The following PHIP variants were observed in gnomAD, a reference collection of about 807,000 sequenced individuals.
The protein encoded by PHIP is PH-interacting protein.
In PHIP, 54 loss-of-function variants were observed where a neutral mutation model predicts 236.8. That is an observed-to-expected ratio of 0.23 (90% confidence interval 0.18 to 0.29). PHIP has a LOEUF of 0.29. Among genes scored for constraint, PHIP ranks in the 10% least tolerant of loss-of-function variants. The pLI is 1.00. For missense variants in PHIP, 1,370 were observed against 2,190.8 expected (o/e 0.63, Z 7.48); for synonymous variants, 756 against 718.9 (o/e 1.05, Z -0.83).
At chr6:78,998,217 T>A in intron 18 of PHIP, 37 bp downstream of exon 18, 3 of 1,566,830 alleles carry the variant, frequency 1.9e-6, no homozygotes, top group South Asian at 2.2e-5. Flanking sequence ...TGTTTCAAAT[T>A]TTTAAATATT....
At chr6:79,010,505 C>A (rs942310801) in intron 15 of PHIP, among the ~76,000 whole-genome samples, 2 of 151,330 alleles carry the variant, frequency 1.3e-5, no homozygotes, top group South Asian at 4.1e-4. Context: ...CATGAAACAA[C>A]AAAGTAAAGC....
In PHIP at chr6:78,935,712, C is replaced by G. The variant is rs1312893445; in HGVS notation, c.*4981G>C. The G allele has an allele frequency of 3.0e-6, 3 of 984,982 alleles. No homozygotes were observed. Among genetic ancestry groups the G allele is most frequent in the African/African-American group, 1.7e-5 (1 of 57,210 alleles). 61.0% of individuals were successfully genotyped at this position (984,982 alleles called of 1,614,324 possible). On this transcript the variant is annotated 3_prime_UTR_variant, in exon 40 of 40. Transcript: ENST00000275034. ...CAGTTTTCACACTTTGCAAAACACACAGGGCACTGGAAACTCTAATGAACC... is the reference window on the plus strand; with the variant it reads ...CAGTTTTCACACTTTGCAAAACACAGAGGGCACTGGAAACTCTAATGAACC...
intron 15 of PHIP, among the ~76,000 whole-genome samples, chr6:79,010,152 TCTC>T (rs1051034149): frequency 4.0e-5 from 6 of 151,538 alleles, no homozygotes; most frequent in African/African-American, 1.2e-4. Context: ...GAGAGACTCT[TCTC>T]CTGATTAATA....
chr6:79,063,325 C>G (rs1184937124), intron 4 of PHIP, among the ~76,000 whole-genome samples: 1 of 152,144 alleles, frequency 6.6e-6, no homozygotes, highest in African/African-American at 2.4e-5. Flanking sequence ...TCAAAAAACC[C>G]AAAACATTTT....
intron 4 of PHIP, among the ~76,000 whole-genome samples, chr6:79,070,797 A>G (rs2127779908): frequency 6.6e-6 from 1 of 152,324 alleles, no homozygotes; most frequent in South Asian, 2.1e-4. Flanking sequence ...ATTACTTATA[A>G]TATCTAATAC....
chr6:79,022,783 G>C (rs2127746006), intron 9 of PHIP, among the ~76,000 whole-genome samples: 1 of 152,286 alleles, frequency 6.6e-6, no homozygotes, highest in South Asian at 2.1e-4. Flanking sequence ...CTTTGCTCGT[G>C]AGTTGGTAAT....
chr6:78,948,988 C>T lies in PHIP; in HGVS notation c.4054-1213G>A, dbSNP rs924352520. 2.6e-5 allele frequency among the ~76,000 whole-genome samples: 4 copies of T among 152,034 alleles called. No individual in the cohort carries two copies. In the East Asian group the frequency reaches 7.7e-4, roughly 29 times the overall value. ...TTATGCCTTTTATTTCCTTTTCTTG[C>T]CTTATTGCATTGGCTAGAATTTCCA... On this transcript the variant is annotated intron_variant, in intron 35 of 39. Coordinates refer to ENST00000275034, the MANE Select transcript of PHIP (RefSeq NM_017934.7).
intron 18 of PHIP, 76 bp from the exon 19 acceptor site, chr6:78,997,673 A>G (rs567227687): frequency 1.4e-5 from 16 of 1,138,630 alleles, no homozygotes; most frequent in African/African-American, 1.3e-4. Flanking sequence ...AAAAGAGATA[A>G]AACACTATCT....
chr6:79,049,448 A>G (rs1165150314), intron 6 of PHIP, among the ~76,000 whole-genome samples: 1 of 152,220 alleles, frequency 6.6e-6, no homozygotes, highest in Non-Finnish European at 1.5e-5. Context: ...TGCAAAAGTA[A>G]TTATAATTTA....
At chr6:79,053,000 T>G (rs1215960171) in intron 6 of PHIP, among the ~76,000 whole-genome samples, 2 of 152,164 alleles carry the variant, frequency 1.3e-5, no homozygotes, top group Non-Finnish European at 2.9e-5. Context: ...TTACTGCTTT[T>G]CTAAGCTTCA....
intron 6 of PHIP, among the ~76,000 whole-genome samples, chr6:79,054,006 C>CT (rs921550520): frequency 1.1e-4 from 16 of 151,240 alleles, no homozygotes; most frequent in African/African-American, 1.7e-4. Flanking sequence ...GTTTTGCCCC[C>CT]TTTTTTTTGT....
At position 78,947,679 on chromosome 6, in the gene PHIP, C is replaced by G; in HGVS notation, c.4150G>C (p.Asp1384His). 1 of 1,533,988 alleles carries G rather than the reference C, an allele frequency of 6.5e-7. No individual in the cohort carries two copies. The highest frequency in any genetic ancestry group is 1.1e-5 in the South Asian group (1 of 88,906). The change falls in exon 36 of 40, where the codon GAT becomes CAT. Residue 1384 changes from aspartate (D) to histidine (H), a missense_variant. Physicochemically the swap from Asp to His is moderately conservative, Grantham distance 81. Coordinates refer to ENST00000275034, the MANE Select transcript of PHIP (RefSeq NM_017934.7). The part of the protein sequence containing the change: ...NYESPMELCK[D>H]VRLIFSNSKA... The stretch of plus-strand genomic sequence containing the variant: ...GAATTACTGAAAATAAGTCTGACAT[C>G]TTTACATAACTCCATTGGTGACTCA...
At chr6:78,948,225 C>T (rs1248898831) in intron 35 of PHIP, among the ~76,000 whole-genome samples, 1 of 152,106 alleles carries the variant, frequency 6.6e-6, no homozygotes, top group African/African-American at 2.4e-5. Context: ...TATGCAGACA[C>T]CTAAGTTCTA....
intron 22 of PHIP, among the ~76,000 whole-genome samples, chr6:78,983,801 C>T (rs922858334): frequency 2.0e-5 from 3 of 152,134 alleles, no homozygotes; most frequent in African/African-American, 7.2e-5. Context: ...ACAGGCCTTA[C>T]TATATTTTGT....
chr6:78,995,283 T>C (rs570212700), intron 19 of PHIP, among the ~76,000 whole-genome samples: 1 of 152,334 alleles, frequency 6.6e-6, no homozygotes, highest in South Asian at 2.1e-4. Context: ...CATCTGGGTA[T>C]CTTTCTGGCT....
chr6:79,025,665 G>T (rs149828172), intron 8 of PHIP, 46 bp from the exon 9 acceptor site: 2 of 1,211,406 alleles, frequency 1.7e-6, no homozygotes, highest in East Asian at 2.3e-5. Context: ...GAGTGACACA[G>T]TCAAAATAAA....
chr6:79,077,057 AGAGCGAGCAAGCGAAC>A (rs965398042), intron 4 of PHIP, among the ~76,000 whole-genome samples: 5 of 152,072 alleles, frequency 3.3e-5, no homozygotes, highest in Middle Eastern at 3.2e-3. Context: ...CCGCGCGTGC[AGAGCGAGCAAGCGAAC>A]GAGCGAGCGC....
chr6:78,951,528 A>T (rs985857433), intron 35 of PHIP, among the ~76,000 whole-genome samples: 5 of 152,184 alleles, frequency 3.3e-5, no homozygotes, highest in Admixed American at 1.3e-4. Flanking sequence ...TAAAAAGTAG[A>T]TTATCCGAAG....
At chr6:79,071,818 C>T (rs1773892901) in intron 4 of PHIP, among the ~76,000 whole-genome samples, 1 of 151,972 alleles carries the variant, frequency 6.6e-6, no homozygotes, top group East Asian at 1.9e-4. Context: ...TCTGTAGTGA[C>T]ATGGTAAATA....
Sources: allele counts gnomAD v4.1 joint callset (sites outside exome capture counted in the v4.1 genomes callset), GRCh38; gene constraint gnomAD v4.1.1; transcripts MANE v1.5; gene names NCBI Gene and HGNC (gene_info 2026-07-23, HGNC 2026-07-21).